Variants in PDE4B observed in about 807,000 individuals in gnomAD.
The protein encoded by PDE4B is 3',5'-cyclic-AMP phosphodiesterase 4B.
Under a neutral mutation model 82.2 loss-of-function variants are expected in PDE4B, and 20 were observed. The observed-to-expected ratio is 0.24, with a 90% CI of 0.17 to 0.35. PDE4B has a LOEUF of 0.35. Among genes scored for constraint, PDE4B ranks in the 10% least tolerant of loss-of-function variants. PDE4B has a pLI of 1.00. For synonymous variants in PDE4B, 320 were observed against 318.9 expected (o/e 1.00, Z -0.04); for missense variants, 655 against 907.2 (o/e 0.72, Z 3.57).
At chr1:65,798,291 G>T (rs1207038432) in intron 1 of PDE4B, among the ~76,000 whole-genome samples, 1 of 60,728 alleles carries the variant, frequency 1.6e-5, no homozygotes, top group Non-Finnish European at 2.4e-5. Flanking sequence ...TCGCTCTGTC[G>T]CCCAGGTCGG....
intron 3 of PDE4B, among the ~76,000 whole-genome samples, chr1:66,224,681 T>C (rs1018445381): frequency 3.3e-5 from 5 of 152,226 alleles, no homozygotes; most frequent in African/African-American, 1.2e-4. Flanking sequence ...ATTGTGCCAT[T>C]GCACTCCATC....
At chr1:65,795,098 T>G (rs981988076) in intron 1 of PDE4B, among the ~76,000 whole-genome samples, 3 of 152,244 alleles carry the variant, frequency 2.0e-5, no homozygotes, top group Non-Finnish European at 4.4e-5. Context: ...GACAGGTATT[T>G]AAGTATTTAA....
At chr1:65,825,705 C>CCTATCTATAT (rs1553188289) in intron 1 of PDE4B, among the ~76,000 whole-genome samples, 27 of 107,448 alleles carry the variant, frequency 2.5e-4, no homozygotes, top group African/African-American at 8.0e-4. Context: ...AACAAAATTA[C>CCTATCTATAT]CTATCTATCT....
At chr1:66,340,850 T>G (rs1428392667) in intron 8 of PDE4B, among the ~76,000 whole-genome samples, 2 of 152,166 alleles carry the variant, frequency 1.3e-5, no homozygotes. Context: ...AGAAAAATTA[T>G]CAGTAAATAA....
chr1:65,993,961 T>C (rs1651392518), intron 3 of PDE4B, among the ~76,000 whole-genome samples: 1 of 152,132 alleles, frequency 6.6e-6, no homozygotes, highest in African/African-American at 2.4e-5. Context: ...AAATCACTTT[T>C]ACTGTGAAAG....
chr1:66,277,680 CA>C (rs1431678839), intron 7 of PDE4B, among the ~76,000 whole-genome samples: 4 of 152,236 alleles, frequency 2.6e-5, no homozygotes, highest in African/African-American at 9.6e-5. Flanking sequence ...AGGCATGAGC[CA>C]CCACGCCCGG....
chr1:65,921,513 T>A (rs887628971), intron 3 of PDE4B, among the ~76,000 whole-genome samples: 7 of 152,152 alleles, frequency 4.6e-5, no homozygotes, highest in African/African-American at 1.7e-4. Context: ...GAATATGGAA[T>A]CAATTTCCAT....
At chr1:65,887,482 A>C (rs1191179022) in intron 1 of PDE4B, among the ~76,000 whole-genome samples, 1 of 117,404 alleles carries the variant, frequency 8.5e-6, no homozygotes, top group African/African-American at 3.4e-5. Flanking sequence ...CAGTGGTGCA[A>C]TCTTGGCTCA....
rs75266605 is a variant in PDE4B, at chr1:66,328,456, G to A, written c.635-4052G>A. Among the ~76,000 whole-genome samples, 626 of 152,362 alleles carry A rather than the reference G, an allele frequency of 4.1e-3. 16 individuals carry two copies. The East Asian group carries it at 0.074, about 18-fold the overall frequency. ...GGAAGAGACCCAGTTTCATGGGCAT[G>A]TAACCTGTTGGGTTGCACAGGGCCC... On this transcript the variant is annotated intron_variant, in intron 7 of 16. Transcript: ENST00000341517.
chr1:65,988,397 G>A (rs1249915660), intron 3 of PDE4B, among the ~76,000 whole-genome samples: 4 of 152,050 alleles, frequency 2.6e-5, no homozygotes, highest in Admixed American at 6.5e-5. Context: ...TATATTTACT[G>A]TTATATACTG....
intron 7 of PDE4B, among the ~76,000 whole-genome samples, chr1:66,272,842 GCAATGGCGCA>G (rs1655607195): frequency 7.4e-6 from 1 of 136,022 alleles, no homozygotes; most frequent in Admixed American, 7.9e-5. Flanking sequence ...AGGCTGGAGT[GCAATGGCGCA>G]CAATCTTGGC....
chr1:65,960,595 A>C (rs1344036112), intron 3 of PDE4B, among the ~76,000 whole-genome samples: 1 of 152,170 alleles, frequency 6.6e-6, no homozygotes, highest in Non-Finnish European at 1.5e-5. Context: ...AAAGAAAGAT[A>C]AGACTAATAC....
intron 7 of PDE4B, among the ~76,000 whole-genome samples, chr1:66,312,010 A>G (rs1011597240): frequency 6.6e-6 from 1 of 152,242 alleles, no homozygotes; most frequent in African/African-American, 2.4e-5. Flanking sequence ...AAACACGGAT[A>G]TAGAGAAATT....
intron 1 of PDE4B, among the ~76,000 whole-genome samples, chr1:65,825,722 CT>C (rs1276893181): frequency 6.6e-6 from 1 of 151,192 alleles, no homozygotes; most frequent in Non-Finnish European, 1.5e-5. Flanking sequence ...ATCTATCTAT[CT>C]ATCTATCTAT....
At chr1:66,194,103 A>G (rs1242615233) in intron 3 of PDE4B, among the ~76,000 whole-genome samples, 1 of 152,192 alleles carries the variant, frequency 6.6e-6, no homozygotes, top group East Asian at 1.9e-4. Context: ...TCTTAGATGT[A>G]GAAAACAGCT....
intron 7 of PDE4B, among the ~76,000 whole-genome samples, chr1:66,291,435 A>G (rs1407579160): frequency 2.0e-5 from 3 of 152,212 alleles, no homozygotes; most frequent in Non-Finnish European, 4.4e-5. Flanking sequence ...TTGTTGTCAC[A>G]TGTTGTCACC....
At chr1:66,269,963 A>C (rs1386264635) in intron 7 of PDE4B, among the ~76,000 whole-genome samples, 1 of 152,162 alleles carries the variant, frequency 6.6e-6, no homozygotes, top group Non-Finnish European at 1.5e-5. Flanking sequence ...TCTTTTTCTA[A>C]AATTTATCAG....
intron 3 of PDE4B, among the ~76,000 whole-genome samples, chr1:66,041,636 A>G (rs1654377968): frequency 6.6e-6 from 1 of 151,924 alleles, no homozygotes; most frequent in Non-Finnish European, 1.5e-5. Context: ...GGCCAGTTGC[A>G]GGATGAAGTC....
intron 3 of PDE4B, among the ~76,000 whole-genome samples, chr1:66,176,540 A>AAGTGC (rs1646935286): frequency 6.6e-6 from 1 of 152,248 alleles, no homozygotes; most frequent in Non-Finnish European, 1.5e-5. Flanking sequence ...ATTCAAATAT[A>AAGTGC]AGTGCAGATT....
Sources: allele counts gnomAD v4.1 joint callset (sites outside exome capture counted in the v4.1 genomes callset), GRCh38; gene constraint gnomAD v4.1.1; transcripts MANE v1.5; gene names NCBI Gene and HGNC (gene_info 2026-07-23, HGNC 2026-07-21).